The following TDRD3 variants were observed in gnomAD, a reference collection of about 807,000 sequenced individuals.
TDRD3 encodes the protein tudor domain containing 3, also known as tudor domain-containing protein 3.
TDRD3 carries 45 observed loss-of-function variants against 86.7 expected under a neutral mutation model. The observed-to-expected ratio is 0.52, with a 90% confidence interval of 0.41 to 0.67. The LOEUF is 0.67. Among genes scored for constraint, TDRD3 ranks in the 30% least tolerant of loss-of-function variants. The pLI, the probability that TDRD3 is intolerant of heterozygous loss-of-function variation, is 0.00. For synonymous variants in TDRD3, 298 were observed against 301.7 expected, an observed-to-expected ratio of 0.99 and a Z score of 0.13; for missense variants, 814 against 889.0, an observed-to-expected ratio of 0.92 and a Z score of 1.07.
intron 1 of TDRD3, among the ~76,000 whole-genome samples, chr13:60,404,561 C>T (rs1408755507): frequency 6.6e-6 from 1 of 151,836 alleles, no homozygotes; most frequent in Non-Finnish European, 1.5e-5. Flanking sequence ...CCGCCCGCCT[C>T]GGCCTCCCAA....
intron 12 of TDRD3, among the ~76,000 whole-genome samples, chr13:60,551,213 C>G (rs961316283): frequency 4.6e-5 from 7 of 152,114 alleles, no homozygotes; most frequent in Non-Finnish European, 8.8e-5. Flanking sequence ...ATTTTAGAGT[C>G]CACATACCTT....
At chr13:60,487,895 A>G (rs569113604) in intron 7 of TDRD3, among the ~76,000 whole-genome samples, 6 of 152,212 alleles carry the variant, frequency 3.9e-5, no homozygotes, top group Non-Finnish European at 7.3e-5. Flanking sequence ...CCAACAGTAC[A>G]TAAGAGTTCT....
chr13:60,548,653 A>G (rs1314845951), intron 12 of TDRD3, among the ~76,000 whole-genome samples: 1 of 152,160 alleles, frequency 6.6e-6, no homozygotes, highest in African/African-American at 2.4e-5. Flanking sequence ...ACTAAAAATT[A>G]GAGGAAAATA....
intron 10 of TDRD3, among the ~76,000 whole-genome samples, chr13:60,516,159 G>A (rs759008412): frequency 3.3e-5 from 5 of 152,110 alleles, no homozygotes; most frequent in Non-Finnish European, 7.4e-5. Flanking sequence ...AACCTTTCTT[G>A]CTTCTGTGTT....
Position 60,509,904 on chromosome 13 carries a change from G to A in TDRD3, c.1000G>A (p.Gly334Ser), listed in dbSNP as rs745575030. The change falls in exon 9 of 14, where the codon GGT (glycine) becomes AGT (serine). Residue 334 changes from glycine to serine, a missense_variant. By Grantham distance (56) the Gly-to-Ser change is moderately conservative. Transcript: ENST00000377881. ...LTSNKQKPVM[G>S]PPLRGRGKGR... ...AAGCAATAAACAGAAACCTGTTATG[G>A]GTCCTCCTCTGAGAGGTATAATTTA... 2 of 1,613,464 alleles carry A rather than the reference G, an allele frequency of 1.2e-6. No homozygotes were observed. Among genetic ancestry groups the A allele is most frequent in the Admixed American group, 1.7e-5 (1 of 59,990 alleles).
chr13:60,501,205 C>CT (rs1382031792), intron 8 of TDRD3, among the ~76,000 whole-genome samples: 1 of 152,206 alleles, frequency 6.6e-6, no homozygotes, highest in African/African-American at 2.4e-5. Context: ...AGTGGTAACT[C>CT]TAACTGCTGT....
At chr13:60,415,799 T>C (rs1954493805) in intron 1 of TDRD3, among the ~76,000 whole-genome samples, 1 of 152,124 alleles carries the variant, frequency 6.6e-6, no homozygotes, top group South Asian at 2.1e-4. Flanking sequence ...ATTTGCCAAG[T>C]TTACAAAGAT....
chr13:60,570,746 G>A (rs972219898), intron 13 of TDRD3, among the ~76,000 whole-genome samples: 1 of 152,200 alleles, frequency 6.6e-6, no homozygotes, highest in South Asian at 2.1e-4. Context: ...AAGTAGAGAG[G>A]AGGCAGTGAA....
At chr13:60,559,406 T>C (rs893583936) in intron 12 of TDRD3, among the ~76,000 whole-genome samples, 26 of 152,198 alleles carry the variant, frequency 1.7e-4, no homozygotes. Context: ...ATATGTTCCC[T>C]ACTCTGATTT....
At chr13:60,400,879 G>A (rs1954076571) in intron 1 of TDRD3, among the ~76,000 whole-genome samples, 1 of 152,082 alleles carries the variant, frequency 6.6e-6, no homozygotes, top group South Asian at 2.1e-4. Flanking sequence ...ATAGAGCCCA[G>A]ATGTCTAGAA....
At chr13:60,471,518 T>C (rs982353472) in intron 5 of TDRD3, among the ~76,000 whole-genome samples, 2 of 150,652 alleles carry the variant, frequency 1.3e-5, no homozygotes, top group Non-Finnish European at 3.0e-5. Flanking sequence ...TTATGAATTA[T>C]AGGATAGATT....
intron 7 of TDRD3, among the ~76,000 whole-genome samples, chr13:60,492,925 T>TC (rs1956623291): frequency 6.9e-6 from 1 of 145,848 alleles, no homozygotes; most frequent in Non-Finnish European, 1.5e-5. Context: ...TTCTTTTTTT[T>TC]TTTTTTTTTT....
chr13:60,514,760 C>G (rs1957132267), intron 10 of TDRD3, among the ~76,000 whole-genome samples: 1 of 152,126 alleles, frequency 6.6e-6, no homozygotes, highest in African/African-American at 2.4e-5. Flanking sequence ...AGTTTTAATT[C>G]TGTCCGAATG....
At chr13:60,540,864 T>C (rs1957794035) in intron 12 of TDRD3, among the ~76,000 whole-genome samples, 1 of 152,174 alleles carries the variant, frequency 6.6e-6, no homozygotes, top group African/African-American at 2.4e-5. Flanking sequence ...TCATGTTTCA[T>C]TTTTCTGATG....
intron 3 of TDRD3, among the ~76,000 whole-genome samples, chr13:60,445,952 T>G (rs1324936922): frequency 6.6e-6 from 1 of 152,112 alleles, no homozygotes; most frequent in East Asian, 1.9e-4. Context: ...TTTCAGAGTG[T>G]TTTTACTTTT....
intron 10 of TDRD3, among the ~76,000 whole-genome samples, chr13:60,513,867 A>G (rs1957111377): frequency 6.6e-6 from 1 of 152,216 alleles, no homozygotes. Flanking sequence ...AGTCTCAGGT[A>G]TGTCTTTATC....
intron 4 of TDRD3, among the ~76,000 whole-genome samples, chr13:60,463,982 G>A (rs539756534): frequency 6.6e-6 from 1 of 152,306 alleles, no homozygotes; most frequent in South Asian, 2.1e-4. Context: ...CTTGCAGTGA[G>A]TGAGTTCTTT....
intron 12 of TDRD3, chr13:60,536,045 G>T (rs916107974): frequency 2.6e-5 from 4 of 151,958 alleles, no homozygotes; most frequent in Non-Finnish European, 4.4e-5. Flanking sequence ...AAATATTCTA[G>T]AAAATTATAT....
rs953546719 is a variant in TDRD3 at position 60,422,514 on chromosome 13, C to T, written c.42-17174C>T. 2.6e-5 allele frequency among the ~76,000 whole-genome samples: 4 copies of T among 151,876 alleles called. No homozygotes were observed. In the South Asian group the frequency reaches 6.2e-4, roughly 24 times the overall value. The stretch of plus-strand genomic sequence containing the variant: ...TCCAACAGAATTAAATTTACTCCAA[C>T]GAGCATTTGGAAGTATGAAAAATCA... On this transcript the variant is annotated intron_variant, in intron 1 of 13. Coordinates refer to ENST00000377881, the MANE Select transcript of TDRD3 (RefSeq NM_001146070.2).
Sources: allele counts gnomAD v4.1 joint callset (sites outside exome capture counted in the v4.1 genomes callset), GRCh38; gene constraint gnomAD v4.1.1; transcripts MANE v1.5; gene names NCBI Gene and HGNC (gene_info 2026-07-23, HGNC 2026-07-21).